Variants in CD226 observed in about 807,000 individuals in gnomAD.
CD226 encodes CD226 molecule.
Under a neutral mutation model 34.9 loss-of-function variants are expected in CD226, and 24 were observed. The ratio of observed to expected loss-of-function variants is 0.69; its 90% CI spans 0.50 to 0.97. The LOEUF is 0.97. CD226 is among the 50% of genes least tolerant of loss of function. The probability of loss-of-function intolerance (pLI) is 0.00; values close to 1 mark genes in which losing one functional copy is unlikely to be tolerated. For missense variants in CD226, 397 were observed against 412.7 expected, an observed-to-expected ratio of 0.96 and a Z score of 0.33; for synonymous variants, 148 against 147.4, an observed-to-expected ratio of 1.00 and a Z score of -0.03.
In CD226 at chr18:69,946,799, T is replaced by G. The variant is rs2055798186; in HGVS notation, c.317A>C (p.Tyr106Ser). The G allele has an allele frequency of 1.2e-6, 2 of 1,613,906 alleles. No individual in the cohort carries two copies. Among genetic ancestry groups the G allele is most frequent in the Non-Finnish European group, 1.7e-6 (2 of 1,180,008 alleles). ...TGGGTAAGTGTAAAGAGAGCAGGAA[T>G]AGTAGCCAACATCATCTTCAGAGGC... ...RNASEDDVGY[Y>S]SCSLYTYPQG... The change falls in exon 2 of 6, where the codon TAT (tyrosine) becomes TCT (serine). Residue 106 changes from tyrosine (Y) to serine (S), a missense_variant. Coordinates refer to ENST00000582621, the MANE Select transcript of CD226 (RefSeq NM_001303618.2).
intron 2 of CD226, among the ~76,000 whole-genome samples, chr18:69,900,938 T>A (rs1485225411): frequency 6.6e-6 from 1 of 152,294 alleles, no homozygotes; most frequent in East Asian, 1.9e-4. Flanking sequence ...AATTGAGAGT[T>A]CTAGGCAACA....
chr18:69,947,937 C>T (rs1001760549), upstream of CD226: 3 of 152,114 alleles, frequency 2.0e-5, no homozygotes, highest in African/African-American at 7.2e-5. Context: ...CGCTGACAGC[C>T]CATCCTGTGG....
upstream of CD226, among the ~76,000 whole-genome samples, chr18:69,949,818 ACT>A (rs995010615): frequency 2.0e-5 from 3 of 151,510 alleles, no homozygotes; most frequent in Non-Finnish European, 2.9e-5. Context: ...GTGCACACAT[ACT>A]CTCACATCCA....
At position 69,853,479 on chromosome 18, in the gene CD226, G is replaced by A. The variant is rs1982530665; in HGVS notation, c.*10835C>T. ...GAACCCTTGACAATGCTTTACTTCT[G>A]TGGCTCCTCTTACCCATGGAGTCTT... On this transcript the variant is annotated 3_prime_UTR_variant, in exon 6 of 6. Coordinates refer to ENST00000582621, the MANE Select transcript of CD226 (RefSeq NM_001303618.2). The A allele has an allele frequency of 6.6e-6, 1 of 152,154 alleles. No individual in the cohort carries two copies. The highest frequency in any genetic ancestry group is 2.4e-5 in the African/African-American group (1 of 41,486). 9.4% of individuals were successfully genotyped at this position (152,154 alleles called of 1,614,324 possible).
Position 69,863,583 on chromosome 18 carries a change from T to C in CD226, c.*731A>G, listed in dbSNP as rs1250306278. The C allele has an allele frequency of 6.6e-6, 1 of 152,188 alleles. No individual in the cohort carries two copies. Among genetic ancestry groups the C allele is most frequent in the Non-Finnish European group, 1.5e-5 (1 of 68,040 alleles). The allele number at this position is 152,188 out of a possible 1,614,324, so 9.4% of individuals were successfully genotyped here. A position where few individuals can be genotyped will look rare whatever the true frequency, so the allele number is the denominator to read the frequency against. ...TAGAAGTATGGACAGAGATACCCCA[T>C]TTCTAGAATCCATCCCATATTTCAC... On this transcript the variant is annotated 3_prime_UTR_variant, in exon 6 of 6. Coordinates refer to ENST00000582621, the MANE Select transcript of CD226 (RefSeq NM_001303618.2).
chr18:69,952,721 T>C (rs1168780353), upstream of CD226, among the ~76,000 whole-genome samples: 1 of 152,168 alleles, frequency 6.6e-6, no homozygotes, highest in Non-Finnish European at 1.5e-5. Context: ...AGCAAACCTA[T>C]GGGCAACAAA....
intron 2 of CD226, 32 bp downstream of exon 2, chr18:69,946,702 G>C (rs182971782): frequency 1.4e-6 from 2 of 1,396,996 alleles, no homozygotes; most frequent in African/African-American, 1.5e-5. Context: ...TGGATAAAAA[G>C]GGATTTAAAA....
chr18:69,871,440 C>T (rs2145187391), intron 4 of CD226, among the ~76,000 whole-genome samples: 1 of 152,246 alleles, frequency 6.6e-6, no homozygotes, highest in Non-Finnish European at 1.5e-5. Flanking sequence ...CTACCAAATG[C>T]TAAAAAATGA....
chr18:69,935,336 G>A (rs2055639376), intron 2 of CD226, among the ~76,000 whole-genome samples: 1 of 152,132 alleles, frequency 6.6e-6, no homozygotes, highest in Non-Finnish European at 1.5e-5. Flanking sequence ...ATCCTATAAG[G>A]AAGTTTCCCA....
chr18:69,857,773 A>T lies in CD226; in HGVS notation c.*6541T>A, dbSNP rs537780984. The T allele has an allele frequency of 6.6e-6, 1 of 152,314 alleles. No homozygotes were observed. Among genetic ancestry groups the T allele is most frequent in the African/African-American group, 2.4e-5 (1 of 41,578 alleles). 9.4% of individuals were successfully genotyped at this position (152,314 alleles called of 1,614,324 possible). On this transcript the variant is annotated 3_prime_UTR_variant, in exon 6 of 6. Transcript: ENST00000582621. ...TCTAGAAAGGGCCTCCACTTATTTG[A>T]CCACAGGTAGAAGATTGGCTCTGCT... is the stretch of plus-strand genomic sequence containing the variant.
chr18:69,910,500 A>G (rs903542742), intron 2 of CD226, among the ~76,000 whole-genome samples: 1 of 152,226 alleles, frequency 6.6e-6, no homozygotes, highest in African/African-American at 2.4e-5. Context: ...CTCAGGCCTC[A>G]CAGGGTTGTG....
At chr18:69,903,283 A>T (rs551377573) in intron 2 of CD226, among the ~76,000 whole-genome samples, 1 of 152,300 alleles carries the variant, frequency 6.6e-6, no homozygotes, top group South Asian at 2.1e-4. Context: ...AGGCAGCTTC[A>T]AGCAGAATAG....
chr18:69,912,030 C>T (rs2055332162), intron 2 of CD226, among the ~76,000 whole-genome samples: 1 of 152,036 alleles, frequency 6.6e-6, no homozygotes, highest in African/African-American at 2.4e-5. Context: ...ACTTTAAGTT[C>T]TAGGGTACAT....
At chr18:69,900,845 T>C (rs1394732213) in intron 2 of CD226, among the ~76,000 whole-genome samples, 1 of 152,212 alleles carries the variant, frequency 6.6e-6, no homozygotes, top group Non-Finnish European at 1.5e-5. Flanking sequence ...CATGTATTTT[T>C]ATTGATTTTG....
At position 69,855,841 on chromosome 18, in the gene CD226, A is replaced by G. The variant is rs1982595573; in HGVS notation, c.*8473T>C. The G allele has an allele frequency of 6.6e-6, 1 of 152,182 alleles. No individual in the cohort carries two copies. The highest frequency in any genetic ancestry group is 1.5e-5 in the Non-Finnish European group (1 of 68,008). The allele number at this position is 152,182 out of a possible 1,614,324, so 9.4% of individuals were successfully genotyped here. A position where few individuals can be genotyped will look rare whatever the true frequency, so the allele number is the denominator to read the frequency against. ...TAATCACTTAAATTTGAATAATCTA[A>G]ATGTACCAATTAGAAGTGGTGGGTT... On this transcript the variant is annotated 3_prime_UTR_variant, in exon 6 of 6. Transcript: ENST00000582621.
At chr18:69,916,996 G>T (rs2055393732) in intron 2 of CD226, among the ~76,000 whole-genome samples, 1 of 152,016 alleles carries the variant, frequency 6.6e-6, no homozygotes, top group Non-Finnish European at 1.5e-5. Context: ...CCCAAATCCT[G>T]TCACTTCCTC....
In CD226 at chr18:69,854,183, CTT is replaced by C. The variant is rs1490163246; in HGVS notation, c.*10129_*10130del. 1 of 152,206 alleles carries C rather than the reference CTT, an allele frequency of 6.6e-6. No homozygotes were observed. Among genetic ancestry groups the C allele is most frequent in the South Asian group, 2.1e-4 (1 of 4,830 alleles). The allele number at this position is 152,206 out of a possible 1,614,324, so 9.4% of individuals were successfully genotyped here. ...AAGTTGGAAAGCTGAAAATCAATGA[CTT>C]TTCTTATTAGACCTATTAGAGAACC... is the stretch of plus-strand genomic sequence containing the variant. On this transcript the variant is annotated 3_prime_UTR_variant, in exon 6 of 6. Transcript: ENST00000582621.
chr18:69,920,648 T>C (rs1003001984), intron 2 of CD226, among the ~76,000 whole-genome samples: 2 of 152,188 alleles, frequency 1.3e-5, no homozygotes, highest in Admixed American at 6.5e-5. Context: ...TAATATATAC[T>C]AAGTATTTAT....
At chr18:69,957,702 C>A (rs545855449), upstream of CD226, among the ~76,000 whole-genome samples, 1 of 152,150 alleles carries the variant, frequency 6.6e-6, no homozygotes, top group South Asian at 2.1e-4. Flanking sequence ...TCTGCTGGAC[C>A]ACCGCATATA....
Sources: gnomAD v4.1 joint callset for allele counts (sites outside exome capture counted in the v4.1 genomes callset) on GRCh38, gnomAD v4.1.1 for gene constraint, MANE v1.5 for transcripts, NCBI Gene and HGNC (gene_info 2026-07-23, HGNC 2026-07-21) for gene names.